Variants in UPRT observed in about 807,000 individuals in gnomAD.
The protein encoded by UPRT is RP11-311P8.3.
Under a neutral mutation model 22.6 loss-of-function variants are expected in UPRT, and 5 were observed. The observed-to-expected ratio is 0.22, with a 90% CI of 0.12 to 0.47. UPRT has a LOEUF of 0.47. Ranked by LOEUF, UPRT falls within the 20% of genes least tolerant of loss-of-function variation. The probability of loss-of-function intolerance (pLI) is 0.99; values close to 1 mark genes in which losing one functional copy is unlikely to be tolerated. For synonymous variants in UPRT, 77 were observed against 87.7 expected (o/e 0.88, Z 0.68); for missense variants, 181 against 239.9 (o/e 0.75, Z 1.62).
chrX:75,247,854 G>A (rs1011306253), intron 4 of UPRT, among the ~76,000 whole-genome samples: 3 of 111,552 alleles, frequency 2.7e-5, no homozygotes, highest in Non-Finnish European at 5.6e-5. Flanking sequence ...TCACAGGGCC[G>A]GGTACTCCTC....
At chrX:75,223,944 CT>C in intron 4 of UPRT, among the ~76,000 whole-genome samples, 1 of 111,127 alleles carries the variant, frequency 9.0e-6, no homozygotes, top group African/African-American at 3.3e-5. Context: ...TTTCTTCATT[CT>C]TTTTTTTCTC....
At chrX:75,172,730 C>A (rs939310593) in intron 4 of UPRT, among the ~76,000 whole-genome samples, 2 of 109,847 alleles carry the variant, frequency 1.8e-5, no homozygotes, top group Admixed American at 9.7e-5. Flanking sequence ...CAGACTTTCG[C>A]GGTGAGTGTA....
At chrX:75,245,877 T>C (rs1421955706) in intron 4 of UPRT, among the ~76,000 whole-genome samples, 1 of 111,439 alleles carries the variant, frequency 9.0e-6, no homozygotes, top group Non-Finnish European at 1.9e-5. Context: ...ATAATCTGTA[T>C]ATCAACCCAT....
At chrX:75,236,898 C>T (rs959676469) in intron 4 of UPRT, among the ~76,000 whole-genome samples, 3 of 112,333 alleles carry the variant, frequency 2.7e-5, no homozygotes, top group Non-Finnish European at 5.6e-5. Flanking sequence ...GCAAGGACTT[C>T]ATGTCTAAAA....
chrX:75,185,175 A>T (rs931744113), intron 4 of UPRT, among the ~76,000 whole-genome samples: 7 of 111,709 alleles, frequency 6.3e-5, no homozygotes, highest in Non-Finnish European at 1.1e-4. Context: ...GATAGCTCTT[A>T]TTATTTTGAA....
intron 4 of UPRT, among the ~76,000 whole-genome samples, chrX:75,168,840 C>T (rs774659832): frequency 2.7e-5 from 3 of 111,478 alleles, no homozygotes; most frequent in South Asian, 3.8e-4. Flanking sequence ...TGAGTAAGTT[C>T]TTTAGTGGTG....
intron 4 of UPRT, among the ~76,000 whole-genome samples, chrX:75,218,657 G>A (rs750404921): frequency 0.029 from 2,777 of 95,616 alleles, 134 homozygotes; most frequent in African/African-American, 0.1. Context: ...AACAATGATA[G>A]ACTGGATTAA....
intron 4 of UPRT, among the ~76,000 whole-genome samples, chrX:75,256,420 CACAA>C (rs1165465264): frequency 9.0e-6 from 1 of 110,906 alleles, no homozygotes; most frequent in Non-Finnish European, 1.9e-5. Flanking sequence ...ACTAAAAGAG[CACAA>C]ACAGACAATC....
chrX:75,217,868 C>A (rs902540226), intron 4 of UPRT, among the ~76,000 whole-genome samples: 1 of 111,995 alleles, frequency 8.9e-6, no homozygotes, highest in African/African-American at 3.3e-5. Context: ...CTTCCTTACA[C>A]CTTATACAAA....
At chrX:75,215,315 A>T (rs2082389666) in intron 4 of UPRT, among the ~76,000 whole-genome samples, 1 of 4,384 alleles carries the variant, frequency 2.3e-4, no homozygotes, top group Non-Finnish European at 0.062. Context: ...AAGAAACTAG[A>T]AAAAAGGAAG....
At chrX:75,301,342 T>C (rs891590977) in intron 6 of UPRT, among the ~76,000 whole-genome samples, 3 of 111,968 alleles carry the variant, frequency 2.7e-5, no homozygotes, top group Non-Finnish European at 5.6e-5. Flanking sequence ...AAGTAATCTT[T>C]GCAGTGTGAA....
chrX:75,168,607 G>A (rs1165731088), intron 4 of UPRT, among the ~76,000 whole-genome samples: 3 of 110,972 alleles, frequency 2.7e-5, no homozygotes, highest in Admixed American at 1.9e-4. Flanking sequence ...TCGGCTCACC[G>A]CAACCTCCGC....
At chrX:75,216,459 T>C (rs1345052714) in intron 4 of UPRT, among the ~76,000 whole-genome samples, 1 of 112,519 alleles carries the variant, frequency 8.9e-6, no homozygotes, top group East Asian at 2.8e-4. Flanking sequence ...AAAGCAAGAA[T>C]GGCTGGATAA....
At chrX:75,260,963 A>C (rs896821972) in intron 4 of UPRT, among the ~76,000 whole-genome samples, 1 of 112,359 alleles carries the variant, frequency 8.9e-6, no homozygotes, top group Admixed American at 9.5e-5. Flanking sequence ...ACAAAACTGC[A>C]CAACTACATG....
At chrX:75,257,648 T>C (rs765860890) in intron 4 of UPRT, among the ~76,000 whole-genome samples, 3 of 111,818 alleles carry the variant, frequency 2.7e-5, no homozygotes, top group Non-Finnish European at 3.8e-5. Context: ...CTAGAACTGA[T>C]AAAAGAATTC....
chrX:75,265,385 A>G (rs1336893943), intron 4 of UPRT, among the ~76,000 whole-genome samples: 4 of 111,090 alleles, frequency 3.6e-5, no homozygotes, highest in Non-Finnish European at 7.6e-5. Flanking sequence ...ATTTCTTTTT[A>G]TTCTTTTTTC....
In UPRT at chrX:75,195,106, G is replaced by A. The variant is rs1378351533; in HGVS notation, c.-447+27227G>A. 7.1e-5 allele frequency among the ~76,000 whole-genome samples: 8 copies of A among 111,975 alleles called. No individual in the cohort carries two copies. In the East Asian group the frequency reaches 1.1e-3, roughly 16 times the overall value. ...CAGCTAAGCAGTGTAGGAGGTGGCC[G>A]TGGGCAAGTGTGTGTAGGTAAAGTG... On this transcript the variant is annotated intron_variant, in intron 4 of 13. Transcript: ENST00000652605.
chrX:75,229,067 G>A (rs1351438883), intron 4 of UPRT, among the ~76,000 whole-genome samples: 1 of 111,819 alleles, frequency 8.9e-6, no homozygotes, highest in African/African-American at 3.3e-5. Context: ...AAATGAATAC[G>A]TTCTGAGGGT....
At chrX:75,261,996 G>T (rs748650504) in intron 4 of UPRT, among the ~76,000 whole-genome samples, 34 of 111,253 alleles carry the variant, frequency 3.1e-4, no homozygotes, top group African/African-American at 9.8e-4. Flanking sequence ...ATTCACCAAG[G>T]TTGAAATGAA....
Sources: allele counts gnomAD v4.1 joint callset (sites outside exome capture counted in the v4.1 genomes callset), GRCh38; gene constraint gnomAD v4.1.1; transcripts MANE v1.5; gene names NCBI Gene and HGNC (gene_info 2026-07-23, HGNC 2026-07-21).